ATP2B1: variants seen among roughly 807,000 people sequenced by gnomAD.
ATP2B1 encodes ATPase plasma membrane Ca2+ transporting 1.
Under a neutral mutation model 124.2 loss-of-function variants are expected in ATP2B1, and 14 were observed. The observed-to-expected ratio is 0.11, with a 90% CI of 0.07 to 0.18. The LOEUF is 0.18. ATP2B1 is among the 10% of genes least tolerant of loss of function. ATP2B1 has a pLI of 1.00. For synonymous variants in ATP2B1, 449 were observed against 492.4 expected (o/e 0.91, Z 1.17); for missense variants, 763 against 1,466.1 (o/e 0.52, Z 7.83).
At chr12:89,705,273 C>T (rs1892320259) in intron 1 of ATP2B1, among the ~76,000 whole-genome samples, 1 of 152,042 alleles carries the variant, frequency 6.6e-6, no homozygotes, top group Non-Finnish European at 1.5e-5. Flanking sequence ...CCCAAATAAG[C>T]TACTATTAGT....
chr12:89,603,023 TATC>T lies in ATP2B1; in HGVS notation c.3060+17_3060+19del. The T allele has an allele frequency of 6.2e-7, 1 of 1,605,420 alleles. No homozygotes were observed. The highest frequency in any genetic ancestry group is 8.5e-7 in the Non-Finnish European group (1 of 1,173,662). On this transcript the variant is annotated intron_variant, in intron 18 of 20. Coordinates refer to ENST00000428670, the MANE Select transcript of ATP2B1 (RefSeq NM_001366521.1). This position sits in a 1 kb window ranked among gnomAD's most constrained non-coding sequence, Gnocchi z 4.3. ...CCCATTTAACAGGCAAATTTGAAAC[TATC>T]TTTTCCAATTACCCACCTGTACCAC...
intron 1 of ATP2B1, among the ~76,000 whole-genome samples, chr12:89,702,191 A>T (rs1891932705): frequency 6.6e-6 from 1 of 152,204 alleles, no homozygotes; most frequent in Non-Finnish European, 1.5e-5. Context: ...AAACCAGCAT[A>T]TCCTGGAGTT....
chr12:89,654,154 A>C (rs1300647827), intron 2 of ATP2B1, among the ~76,000 whole-genome samples: 2 of 152,224 alleles, frequency 1.3e-5, no homozygotes, highest in African/African-American at 4.8e-5. Context: ...GTCGGTTTGC[A>C]TAATGAACAA....
At chr12:89,599,450 C>A in intron 19 of ATP2B1, 151 bp from the exon 20 acceptor site, 1 of 833,612 alleles carries the variant, frequency 1.2e-6, no homozygotes, top group Non-Finnish European at 1.8e-6. Context: ...CTTTCTCTCC[C>A]AGAGCAAAAT....
At chr12:89,639,815 A>G (rs1883244252) in intron 3 of ATP2B1, among the ~76,000 whole-genome samples, 1 of 152,110 alleles carries the variant, frequency 6.6e-6, no homozygotes, top group African/African-American at 2.4e-5. Flanking sequence ...TGAATTCCAA[A>G]AAGATTTGTC....
chr12:89,656,776 T>C (rs909576361), intron 1 of ATP2B1, among the ~76,000 whole-genome samples: 14 of 152,180 alleles, frequency 9.2e-5, no homozygotes, highest in African/African-American at 3.4e-4. Context: ...ACCCCCTATC[T>C]AAAGAAATTC....
At chr12:89,660,848 G>A (rs1592901217) in intron 1 of ATP2B1, among the ~76,000 whole-genome samples, 1 of 152,120 alleles carries the variant, frequency 6.6e-6, no homozygotes, top group Non-Finnish European at 1.5e-5. Flanking sequence ...GATATGGAAG[G>A]TTTAATAAGA....
At position 89,588,614 on chromosome 12, in the gene ATP2B1, T is replaced by C. The variant is rs1873037366; in HGVS notation, c.*2370A>G. 6.6e-6 allele frequency: 1 copy of C among 152,562 alleles called. No individual in the cohort carries two copies. The highest frequency in any genetic ancestry group is 2.4e-5 in the African/African-American group (1 of 41,438). The allele number at this position is 152,562 out of a possible 1,614,324, so 9.5% of individuals were successfully genotyped here. On this transcript the variant is annotated 3_prime_UTR_variant, in exon 21 of 21. Coordinates refer to ENST00000428670, the MANE Select transcript of ATP2B1 (RefSeq NM_001366521.1). ...AATTTCTGGTAGAAATTACAGTGTC[T>C]CAAAGAGAGAAATACACACTAAGCA...
At chr12:89,596,970 C>T (rs1460518951) in intron 20 of ATP2B1, among the ~76,000 whole-genome samples, 1 of 152,106 alleles carries the variant, frequency 6.6e-6, no homozygotes, top group Non-Finnish European at 1.5e-5. Context: ...TTGGGAGTCA[C>T]CTCCTTCAGG....
At chr12:89,643,507 T>C (rs1022943293) in intron 2 of ATP2B1, among the ~76,000 whole-genome samples, 1 of 152,146 alleles carries the variant, frequency 6.6e-6, no homozygotes, top group Non-Finnish European at 1.5e-5. Flanking sequence ...AATGTACCTA[T>C]TGTCACTTAA....
At chr12:89,698,855 A>G (rs2136829224) in intron 1 of ATP2B1, among the ~76,000 whole-genome samples, 1 of 152,274 alleles carries the variant, frequency 6.6e-6, no homozygotes, top group Non-Finnish European at 1.5e-5. Flanking sequence ...TGGGTGAGGG[A>G]AGAAGACTGG....
chr12:89,644,621 C>T (rs184483022), intron 2 of ATP2B1, among the ~76,000 whole-genome samples: 230 of 151,764 alleles, frequency 1.5e-3, no homozygotes, highest in Non-Finnish European at 2.4e-3. Context: ...GAAAGCAAGG[C>T]AGCAATGGAC....
chr12:89,676,451 A>G (rs564097290), intron 1 of ATP2B1, among the ~76,000 whole-genome samples: 1 of 152,204 alleles, frequency 6.6e-6, no homozygotes, highest in South Asian at 2.1e-4. Flanking sequence ...CTCGCTACAC[A>G]TATATATAAT....
intron 2 of ATP2B1, among the ~76,000 whole-genome samples, chr12:89,644,084 T>C (rs867993437): frequency 9.2e-5 from 14 of 152,044 alleles, no homozygotes; most frequent in Middle Eastern, 6.8e-3. Flanking sequence ...ATCACACCAC[T>C]GAACTCCAGC....
At chr12:89,647,375 C>T (rs1884619130) in intron 2 of ATP2B1, among the ~76,000 whole-genome samples, 1 of 152,108 alleles carries the variant, frequency 6.6e-6, no homozygotes, top group Non-Finnish European at 1.5e-5. Context: ...TAGATAACAG[C>T]TCAGAAGTAC....
chr12:89,646,573 G>T (rs1884479615), intron 2 of ATP2B1, among the ~76,000 whole-genome samples: 1 of 152,198 alleles, frequency 6.6e-6, no homozygotes, highest in South Asian at 2.1e-4. Context: ...AGGTGATGTG[G>T]CTGACCATGA....
rs1880021847 is a variant in ATP2B1 at position 89,621,866 on chromosome 12, A to C, written c.1345-75T>G. The C allele has an allele frequency of 3.0e-6, 4 of 1,320,488 alleles. No homozygotes were observed. The South Asian group carries it at 5.7e-5, about 19-fold the overall frequency. 81.8% of individuals were successfully genotyped at this position (1,320,488 alleles called of 1,614,324 possible). On this transcript the variant is annotated intron_variant, in intron 9 of 20. Coordinates refer to ENST00000428670, the MANE Select transcript of ATP2B1 (RefSeq NM_001366521.1). ...CACCTCATTACATTAAAATGATTAT[A>C]AATTGTTTTAAAATTAGAAAACTCC...
rs1388883067 is a variant in ATP2B1, at chr12:89,613,012, C to A, written c.2068-1640G>T. 4.6e-5 allele frequency among the ~76,000 whole-genome samples: 7 copies of A among 151,948 alleles called. No individual in the cohort carries two copies. In the East Asian group the frequency reaches 1.2e-3, roughly 25 times the overall value. On this transcript the variant is annotated intron_variant, in intron 12 of 20. Coordinates refer to ENST00000428670, the MANE Select transcript of ATP2B1 (RefSeq NM_001366521.1). Reference sequence around the variant, plus strand: ...ACTTTTTTTTTTAAGATGGGTCTCACTCCATCACCCAGGATAAAGTGCAGG... The same window carrying A: ...ACTTTTTTTTTTAAGATGGGTCTCAATCCATCACCCAGGATAAAGTGCAGG...
At chr12:89,598,980 G>C in intron 20 of ATP2B1, 137 bp downstream of exon 20, 2 of 1,097,878 alleles carry the variant, frequency 1.8e-6, no homozygotes, top group Admixed American at 2.5e-5. Context: ...CCAGGCACCA[G>C]TATTACTTTT....
Sources: allele counts gnomAD v4.1 joint callset (sites outside exome capture counted in the v4.1 genomes callset), GRCh38; gene constraint gnomAD v4.1.1; non-coding constraint Gnocchi (gnomAD v3.1); transcripts MANE v1.5; gene names NCBI Gene and HGNC (gene_info 2026-07-23, HGNC 2026-07-21).